The following SUCO variants were observed in gnomAD, a reference collection of about 807,000 sequenced individuals.
The protein encoded by SUCO is SUN domain-containing ossification factor.
In SUCO, 57 loss-of-function variants were observed where a neutral mutation model predicts 148.1. The observed-to-expected ratio is 0.38, with a 90% CI of 0.31 to 0.48. The LOEUF (loss-of-function observed/expected upper bound fraction) is 0.48. SUCO is among the 20% of genes least tolerant of loss of function. SUCO has a pLI of 0.96. For synonymous variants in SUCO, 470 were observed against 502.7 expected, an observed-to-expected ratio of 0.93 and a Z score of 0.87; for missense variants, 1,331 against 1,468.2, an observed-to-expected ratio of 0.91 and a Z score of 1.53.
At chr1:172,599,781 G>A (rs984418201) in intron 19 of SUCO, among the ~76,000 whole-genome samples, 2 of 152,304 alleles carry the variant, frequency 1.3e-5, no homozygotes, top group East Asian at 1.9e-4. Flanking sequence ...AATTTGAAAA[G>A]TAATTTACCA....
chr1:172,606,522 G>A (rs1198105078), intron 22 of SUCO, among the ~76,000 whole-genome samples: 1 of 151,560 alleles, frequency 6.6e-6, no homozygotes, highest in Admixed American at 6.6e-5. Flanking sequence ...TTATGTTACT[G>A]TTCTTGTATA....
intron 1 of SUCO, 73 bp from the exon 2 acceptor site, chr1:172,551,439 T>A: frequency 1.1e-6 from 1 of 897,918 alleles, no homozygotes; most frequent in Non-Finnish European, 1.7e-6. Context: ...TAGAAATATG[T>A]TGACTTAACA....
chr1:172,535,228 A>G (rs1206935414), intron 1 of SUCO, among the ~76,000 whole-genome samples: 1 of 152,216 alleles, frequency 6.6e-6, no homozygotes, highest in East Asian at 1.9e-4. Flanking sequence ...TTTAACTCCT[A>G]GTGAGGAAAA....
chr1:172,598,691 TG>T (rs1657292022), intron 19 of SUCO, among the ~76,000 whole-genome samples: 1 of 152,354 alleles, frequency 6.6e-6, no homozygotes, highest in African/African-American at 2.4e-5. Context: ...TCAACAATGT[TG>T]TATATTAATA....
chr1:172,576,269 G>A (rs1012914845), intron 11 of SUCO, among the ~76,000 whole-genome samples: 5 of 151,464 alleles, frequency 3.3e-5, no homozygotes, highest in Admixed American at 2.6e-4. Context: ...ATACCTTAAA[G>A]TACTATTGAA....
chr1:172,532,724 A>T, upstream of SUCO: 3 of 1,613,996 alleles, frequency 1.9e-6, no homozygotes, highest in Non-Finnish European at 2.5e-6. Flanking sequence ...ACTGGGAAAG[A>T]GAAAAACGAA....
At chr1:172,559,970 C>G (rs1222149291) in intron 6 of SUCO, among the ~76,000 whole-genome samples, 18 of 151,648 alleles carry the variant, frequency 1.2e-4, no homozygotes, top group Admixed American at 1.1e-3. Flanking sequence ...TTAGATACTC[C>G]TCCTTAATCT....
In SUCO at chr1:172,610,670, T is replaced by C. The variant is rs1053949038; in HGVS notation, c.*411T>C. The C allele has an allele frequency of 6.4e-6, 1 of 155,834 alleles. No individual in the cohort carries two copies. The highest frequency in any genetic ancestry group is 1.4e-5 in the Non-Finnish European group (1 of 70,460). 9.7% of individuals were successfully genotyped at this position (155,834 alleles called of 1,614,324 possible). On this transcript the variant is annotated 3_prime_UTR_variant, in exon 24 of 24. Coordinates refer to ENST00000263688, the MANE Select transcript of SUCO (RefSeq NM_014283.5). ...GCCACTGGAAGAGGAGGGATAACTT[T>C]TTCTGTTATTTGATTTCTTTTATAA... is the stretch of plus-strand genomic sequence containing the variant.
At chr1:172,591,168 T>C in intron 19 of SUCO, 97 bp downstream of exon 19, 2 of 880,922 alleles carry the variant, frequency 2.3e-6, no homozygotes, top group Non-Finnish European at 3.4e-6. Context: ...TTTCACTTTT[T>C]CCCCCTGCTA....
intron 6 of SUCO, among the ~76,000 whole-genome samples, chr1:172,558,162 A>C (rs146923761): frequency 0.01 from 1,524 of 152,316 alleles, 102 homozygotes; most frequent in Admixed American, 0.091. Flanking sequence ...CAAGTTAATA[A>C]TACAAGATTA....
chr1:172,598,669 T>C (rs912320655), intron 19 of SUCO, among the ~76,000 whole-genome samples: 3 of 152,254 alleles, frequency 2.0e-5, no homozygotes, highest in Non-Finnish European at 2.9e-5. Flanking sequence ...CAAAGACTTA[T>C]GTGAGTACTT....
chr1:172,575,455 A>C lies in SUCO; in HGVS notation c.1158-63A>C, dbSNP rs1008508945. 9 of 1,199,570 alleles carry C rather than the reference A, an allele frequency of 7.5e-6. No homozygotes were observed. The African/African-American group carries it at 1.4e-4, about 19-fold the overall frequency. 74.3% of individuals were successfully genotyped at this position (1,199,570 alleles called of 1,614,324 possible). ...AAAAAAATTATATTTTGAAAATATG[A>C]TAGAACCTTTCAATATGTGGTTTAT... is the stretch of plus-strand genomic sequence containing the variant. On this transcript the variant is annotated intron_variant, in intron 10 of 23. Transcript: ENST00000263688.
chr1:172,593,404 T>C (rs553051841), intron 19 of SUCO, among the ~76,000 whole-genome samples: 44 of 152,360 alleles, frequency 2.9e-4, no homozygotes, highest in African/African-American at 1.1e-3. Flanking sequence ...TGATATTGGC[T>C]GTGGGTTTGT....
chr1:172,565,359 A>C (rs1654477370), intron 6 of SUCO, among the ~76,000 whole-genome samples: 1 of 152,212 alleles, frequency 6.6e-6, no homozygotes, highest in African/African-American at 2.4e-5. Flanking sequence ...CCCAAGAAGG[A>C]GTTGCAACTC....
intron 4 of SUCO, 26 bp downstream of exon 4, chr1:172,556,049 A>C (rs1207692093): frequency 1.4e-5 from 22 of 1,572,248 alleles, no homozygotes; most frequent in Non-Finnish European, 1.9e-5. Context: ...AAACAAACAC[A>C]AAAAAGAATC....
At position 172,577,831 on chromosome 1, in the gene SUCO, C is replaced by T; in HGVS notation, c.1340+12C>T. 1 of 1,588,068 alleles carries T rather than the reference C, an allele frequency of 6.3e-7. No individual in the cohort carries two copies. The highest frequency in any genetic ancestry group is 1.2e-5 in the South Asian group (1 of 86,934). On this transcript the variant is annotated intron_variant, in intron 13 of 23. Coordinates refer to ENST00000263688, the MANE Select transcript of SUCO (RefSeq NM_014283.5). ...TTAAGCCTTATAAGGTAATGCAGAA[C>T]AAAATACATTTATTGAGTTTTTAAA...
At chr1:172,608,864 G>C in intron 23 of SUCO, 62 bp downstream of exon 23, 1 of 1,141,644 alleles carries the variant, frequency 8.8e-7, no homozygotes, top group Admixed American at 2.2e-5. Flanking sequence ...GAAGAAAAGA[G>C]GTTGAAAGGT....
At chr1:172,586,633 A>G (rs114523689) in intron 17 of SUCO, among the ~76,000 whole-genome samples, 1,634 of 152,260 alleles carry the variant, frequency 0.011, 14 homozygotes, top group Middle Eastern at 0.02. Flanking sequence ...TTCATTAGAT[A>G]CACTCCCTAC....
intron 1 of SUCO, among the ~76,000 whole-genome samples, chr1:172,539,281 A>T (rs1340242365): frequency 2.0e-5 from 3 of 152,218 alleles, no homozygotes; most frequent in African/African-American, 7.2e-5. Flanking sequence ...AGTAGTTTAT[A>T]CATAACTGGA....
Sources: gnomAD v4.1 joint callset for allele counts (sites outside exome capture counted in the v4.1 genomes callset) on GRCh38, gnomAD v4.1.1 for gene constraint, MANE v1.5 for transcripts, NCBI Gene and HGNC (gene_info 2026-07-23, HGNC 2026-07-21) for gene names.